The following NUBPL variants were observed in gnomAD, a reference collection of about 807,000 sequenced individuals.
NUBPL encodes the protein iron-sulfur cluster transfer protein NUBPL.
In NUBPL, 31 loss-of-function variants were observed where a neutral mutation model predicts 45.7. The ratio of observed to expected loss-of-function variants is 0.68; its 90% CI spans 0.51 to 0.92. The LOEUF (loss-of-function observed/expected upper bound fraction) is 0.92. Ranked by LOEUF, NUBPL falls within the 40% of genes least tolerant of loss-of-function variation. The pLI is 0.00. For synonymous variants in NUBPL, 144 were observed against 140.9 expected (o/e 1.02, Z -0.15); for missense variants, 401 against 398.7 (o/e 1.01, Z -0.05).
chr14:31,706,851 G>A (rs2037464456), intron 6 of NUBPL, among the ~76,000 whole-genome samples: 1 of 152,202 alleles, frequency 6.6e-6, no homozygotes. Context: ...AACCTTGTAA[G>A]TTTGGGATTT....
At chr14:31,691,570 G>T (rs1425449880) in intron 6 of NUBPL, among the ~76,000 whole-genome samples, 2 of 152,168 alleles carry the variant, frequency 1.3e-5, no homozygotes, top group Admixed American at 6.5e-5. Flanking sequence ...AAGACAGGAA[G>T]GTGGGTAATA....
intron 6 of NUBPL, among the ~76,000 whole-genome samples, chr14:31,726,862 G>A (rs1376542211): frequency 6.6e-6 from 1 of 151,992 alleles, no homozygotes; most frequent in African/African-American, 2.4e-5. Flanking sequence ...TCAATGTTTT[G>A]AGCTGATGAT....
At chr14:31,627,831 A>G (rs1489923424) in intron 4 of NUBPL, among the ~76,000 whole-genome samples, 1 of 151,900 alleles carries the variant, frequency 6.6e-6, no homozygotes, top group Non-Finnish European at 1.5e-5. Context: ...ATATTTATTT[A>G]TATTTACCAT....
In NUBPL at chr14:31,788,162, T is replaced by C. The variant is rs998055097; in HGVS notation, c.607+289T>C. On this transcript the variant is annotated intron_variant, in intron 7 of 10. Transcript: ENST00000281081. ...TTTAGCAAAAAGAACAGAGAATTTA[T>C]TGAAGAAAGTACATGCCAAGAAAGG... Among the ~76,000 whole-genome samples the C allele has an allele frequency of 2.6e-5, 4 of 152,186 alleles. No homozygotes were observed. The East Asian group carries it at 7.7e-4, about 29-fold the overall frequency.
At chr14:31,755,810 T>A (rs1489166996) in intron 6 of NUBPL, among the ~76,000 whole-genome samples, 1 of 151,304 alleles carries the variant, frequency 6.6e-6, no homozygotes, top group Non-Finnish European at 1.5e-5. Flanking sequence ...TAGGTTTTCT[T>A]CTAGGGTTTT....
intron 6 of NUBPL, among the ~76,000 whole-genome samples, chr14:31,691,111 C>A (rs565519799): frequency 6.6e-6 from 1 of 151,984 alleles, no homozygotes; most frequent in Non-Finnish European, 1.5e-5. Flanking sequence ...AATACTGAGC[C>A]CCCTAAGTAC....
chr14:31,747,757 T>G (rs2038433552), intron 6 of NUBPL, among the ~76,000 whole-genome samples: 4 of 152,156 alleles, frequency 2.6e-5, no homozygotes, highest in Admixed American at 2.6e-4. Context: ...AAAAAACGCT[T>G]TTTGTTTCAT....
chr14:31,857,038 G>A (rs2040633458), intron 10 of NUBPL, among the ~76,000 whole-genome samples: 1 of 152,190 alleles, frequency 6.6e-6, no homozygotes, highest in African/African-American at 2.4e-5. Context: ...CCCTAGCAGA[G>A]GTTCTTCGTA....
intron 3 of NUBPL, among the ~76,000 whole-genome samples, chr14:31,572,423 G>C (rs1354396900): frequency 6.6e-6 from 1 of 152,150 alleles, no homozygotes; most frequent in Non-Finnish European, 1.5e-5. Context: ...ACCGGCGTGA[G>C]CCACTGTGCC....
intron 6 of NUBPL, among the ~76,000 whole-genome samples, chr14:31,682,370 T>A (rs955896122): frequency 1.3e-5 from 2 of 152,194 alleles, no homozygotes; most frequent in Admixed American, 6.5e-5. Context: ...TTTCATGGAA[T>A]GTTTTAATTC....
At position 31,566,240 on chromosome 14, in the gene NUBPL, A is replaced by G. The variant is rs186807374; in HGVS notation, c.291+1192A>G. ...CCAGAATCTGCCAGATCCTGGAACTAGACATAGATATTCATGTCTTCTGAT... is the reference window on the plus strand; with the variant it reads ...CCAGAATCTGCCAGATCCTGGAACTGGACATAGATATTCATGTCTTCTGAT... On this transcript the variant is annotated intron_variant, in intron 3 of 10. Transcript: ENST00000281081. Among the ~76,000 whole-genome samples the G allele has an allele frequency of 5.3e-5, 8 of 152,300 alleles. No individual in the cohort carries two copies. In the East Asian group the frequency reaches 1.5e-3, roughly 29 times the overall value.
intron 8 of NUBPL, among the ~76,000 whole-genome samples, chr14:31,829,916 A>G (rs1054812580): frequency 6.6e-6 from 1 of 152,180 alleles, no homozygotes; most frequent in African/African-American, 2.4e-5. Flanking sequence ...TATTTTTTTA[A>G]ACAAAATAAA....
At chr14:31,651,928 T>C (rs1185642598) in intron 4 of NUBPL, among the ~76,000 whole-genome samples, 1 of 145,750 alleles carries the variant, frequency 6.9e-6, no homozygotes, top group African/African-American at 2.5e-5. Flanking sequence ...AAAAGAAAAA[T>C]CTGCAAAGGA....
Position 31,826,640 on chromosome 14 carries a change from G to A in NUBPL, c.619G>A (p.Val207Ile), listed in dbSNP as rs375389749. The A allele has an allele frequency of 1.9e-6, 3 of 1,613,986 alleles. No homozygotes were observed. The highest frequency in any genetic ancestry group is 1.3e-5 in the African/African-American group (1 of 74,924). Residue 207 changes from valine to isoleucine, a missense_variant, in exon 8 of 11, where the codon GTC becomes ATC. Transcript: ENST00000281081. ...QNIPITGAVI[V>I]STPQDIALMD... ...TTATCTTTGGCTAGGTGCTGTGATT[G>A]TCTCCACGCCCCAGGACATCGCATT...
intron 2 of NUBPL, among the ~76,000 whole-genome samples, chr14:31,563,943 T>A (rs2033367091): frequency 6.6e-6 from 1 of 152,242 alleles, no homozygotes; most frequent in Non-Finnish European, 1.5e-5. Context: ...GTAGGCATTG[T>A]TTTCATTTTA....
chr14:31,570,844 T>G (rs939865526), intron 3 of NUBPL, among the ~76,000 whole-genome samples: 2 of 152,212 alleles, frequency 1.3e-5, no homozygotes, highest in African/African-American at 2.4e-5. Context: ...GAGGAACTCA[T>G]AGACTAGCAT....
chr14:31,563,947 C>T (rs549876462), intron 2 of NUBPL, among the ~76,000 whole-genome samples: 2 of 152,248 alleles, frequency 1.3e-5, no homozygotes, highest in African/African-American at 4.8e-5. Flanking sequence ...GCATTGTTTT[C>T]ATTTTATAGA....
intron 6 of NUBPL, among the ~76,000 whole-genome samples, chr14:31,777,868 A>T (rs2039124283): frequency 6.6e-6 from 1 of 152,196 alleles, no homozygotes; most frequent in Admixed American, 6.5e-5. Context: ...CAAGCAAGGG[A>T]GTCTAGGGGA....
intron 9 of NUBPL, 94 bp downstream of exon 9, chr14:31,846,685 G>A (rs914940529): frequency 3.9e-5 from 61 of 1,558,754 alleles, no homozygotes; most frequent in Non-Finnish European, 4.8e-5. Flanking sequence ...GGCCGGGCAC[G>A]GAGTCTCACA....
Sources: allele counts gnomAD v4.1 joint callset (sites outside exome capture counted in the v4.1 genomes callset), GRCh38; gene constraint gnomAD v4.1.1; transcripts MANE v1.5; gene names NCBI Gene and HGNC (gene_info 2026-07-23, HGNC 2026-07-21).